The following SGCZ variants were observed in gnomAD, a reference collection of about 807,000 sequenced individuals.
SGCZ encodes the protein sarcoglycan zeta.
A neutral mutation model predicts 41.3 loss-of-function variants in SGCZ; 40 were observed. That is an observed-to-expected ratio of 0.97 (90% CI 0.75 to 1.26). The LOEUF is 1.26. Among genes scored for constraint, SGCZ ranks in the 50% most tolerant of loss-of-function variants. The probability of loss-of-function intolerance (pLI) is 0.00; values close to 1 mark genes in which losing one functional copy is unlikely to be tolerated. For missense variants in SGCZ, 552 were observed against 369.8 expected (o/e 1.49, Z -4.04); for synonymous variants, 206 against 137.5 (o/e 1.50, Z -3.49).
chr8:15,114,693 T>C (rs759708138), intron 1 of SGCZ, among the ~76,000 whole-genome samples: 9 of 151,934 alleles, frequency 5.9e-5, no homozygotes, highest in Non-Finnish European at 8.8e-5. Flanking sequence ...AGCTAAAAGT[T>C]TATACACAGG....
chr8:14,386,472 A>G (rs1384482330), intron 2 of SGCZ, among the ~76,000 whole-genome samples: 1 of 152,182 alleles, frequency 6.6e-6, no homozygotes, highest in African/African-American at 2.4e-5. Flanking sequence ...CAAATCTGAT[A>G]CTGAACACAC....
intron 2 of SGCZ, among the ~76,000 whole-genome samples, chr8:14,334,371 A>G (rs1802436777): frequency 6.6e-6 from 1 of 152,026 alleles, no homozygotes; most frequent in Non-Finnish European, 1.5e-5. Context: ...TTTTTTCCTC[A>G]TTTTATGTAA....
intron 1 of SGCZ, among the ~76,000 whole-genome samples, chr8:14,990,050 A>G (rs918536819): frequency 1.3e-5 from 2 of 152,154 alleles, no homozygotes; most frequent in African/African-American, 4.8e-5. Flanking sequence ...TTATTTGCTG[A>G]TAACCAATGC....
chr8:15,201,306 C>T (rs1015940286), intron 1 of SGCZ, among the ~76,000 whole-genome samples: 3 of 152,172 alleles, frequency 2.0e-5, no homozygotes, highest in East Asian at 1.9e-4. Flanking sequence ...CGTGAGCCCC[C>T]GTGCCAGGCC....
chr8:14,981,812 C>G (rs1377781629), intron 1 of SGCZ, among the ~76,000 whole-genome samples: 1 of 152,132 alleles, frequency 6.6e-6, no homozygotes, highest in African/African-American at 2.4e-5. Flanking sequence ...AAAAATATAA[C>G]AGCCAGATAA....
intron 1 of SGCZ, among the ~76,000 whole-genome samples, chr8:14,825,478 A>T (rs1802270406): frequency 6.6e-6 from 1 of 152,196 alleles, no homozygotes; most frequent in Admixed American, 6.5e-5. Context: ...AGTTTATGGC[A>T]TTATTTAATA....
At chr8:15,066,315 C>CAAAAA (rs34127345) in intron 1 of SGCZ, among the ~76,000 whole-genome samples, 4 of 106,940 alleles carry the variant, frequency 3.7e-5, no homozygotes, top group African/African-American at 1.1e-4. Flanking sequence ...ACTCCGTCTC[C>CAAAAA]AAAAAAAAAA....
chr8:14,605,758 T>A (rs1805729180), intron 1 of SGCZ, among the ~76,000 whole-genome samples: 1 of 152,222 alleles, frequency 6.6e-6, no homozygotes, highest in African/African-American at 2.4e-5. Context: ...AACTGTGTAA[T>A]GTGATCATTT....
At chr8:14,306,137 C>CT (rs1224136923) in intron 3 of SGCZ, among the ~76,000 whole-genome samples, 1 of 152,146 alleles carries the variant, frequency 6.6e-6, no homozygotes, top group Non-Finnish European at 1.5e-5. Context: ...TCAGCAAAAG[C>CT]TAACTGAATC....
intron 5 of SGCZ, among the ~76,000 whole-genome samples, chr8:14,123,368 T>C (rs1349579002): frequency 6.6e-6 from 1 of 152,196 alleles, no homozygotes; most frequent in African/African-American, 2.4e-5. Flanking sequence ...CCAATTTTGT[T>C]GAAATGTGGG....
intron 1 of SGCZ, among the ~76,000 whole-genome samples, chr8:15,219,553 G>T (rs906624782): frequency 2.6e-5 from 4 of 152,108 alleles, no homozygotes; most frequent in African/African-American, 4.8e-5. Flanking sequence ...GACTATGATG[G>T]GAACTTTATC....
intron 3 of SGCZ, among the ~76,000 whole-genome samples, chr8:14,285,819 A>G (rs923486088): frequency 1.4e-4 from 22 of 152,210 alleles, no homozygotes; most frequent in African/African-American, 5.3e-4. Context: ...AAGAGTGGAG[A>G]GAGGCTTATA....
intron 4 of SGCZ, among the ~76,000 whole-genome samples, chr8:14,223,186 C>A (rs1470433226): frequency 6.6e-6 from 1 of 151,930 alleles, no homozygotes; most frequent in Non-Finnish European, 1.5e-5. Flanking sequence ...TACGTTTTAC[C>A]CTTACTGTAT....
chr8:14,228,121 C>T (rs184057677), intron 4 of SGCZ, among the ~76,000 whole-genome samples: 22 of 152,194 alleles, frequency 1.4e-4, no homozygotes, highest in Admixed American at 3.9e-4. Flanking sequence ...CATAACCTTA[C>T]ATTAGTGAAC....
intron 4 of SGCZ, among the ~76,000 whole-genome samples, chr8:14,179,363 A>G (rs1804648661): frequency 6.6e-6 from 1 of 152,184 alleles, no homozygotes; most frequent in Non-Finnish European, 1.5e-5. Context: ...GACTTGGGCT[A>G]ATACCTTTTC....
At chr8:14,286,072 A>ATG (rs200709318) in intron 3 of SGCZ, among the ~76,000 whole-genome samples, 22,786 of 149,070 alleles carry the variant, frequency 0.15, 1,847 homozygotes, top group East Asian at 0.25. Context: ...AATGCAGTCA[A>ATG]TGTATTTTGT....
At chr8:14,437,934 T>A (rs767602893) in intron 2 of SGCZ, among the ~76,000 whole-genome samples, 5 of 151,954 alleles carry the variant, frequency 3.3e-5, no homozygotes, top group Admixed American at 2.6e-4. Flanking sequence ...ATTACCGATT[T>A]GTGTTGTAAA....
chr8:14,789,694 G>A (rs1800888069), intron 1 of SGCZ, among the ~76,000 whole-genome samples: 1 of 152,128 alleles, frequency 6.6e-6, no homozygotes, highest in Middle Eastern at 3.4e-3. Flanking sequence ...CAATCCTACT[G>A]TCTTTCATTA....
intron 7 of SGCZ, among the ~76,000 whole-genome samples, chr8:14,094,527 G>A (rs182923364): frequency 2.0e-5 from 3 of 152,232 alleles, no homozygotes; most frequent in African/African-American, 7.2e-5. Context: ...TGTTTATCGA[G>A]TCATTCATTG....
Sources: gnomAD v4.1 joint callset for allele counts (sites outside exome capture counted in the v4.1 genomes callset) on GRCh38, gnomAD v4.1.1 for gene constraint, MANE v1.5 for transcripts, NCBI Gene and HGNC (gene_info 2026-07-23, HGNC 2026-07-21) for gene names.